The following GPC4 variants were observed in gnomAD, a reference collection of about 807,000 sequenced individuals.
GPC4 encodes glypican 4.
GPC4 carries 10 observed loss-of-function variants against 35.0 expected under a neutral mutation model. The observed-to-expected ratio is 0.29, with a 90% confidence interval of 0.18 to 0.48. GPC4 has a LOEUF of 0.48. GPC4 is among the 20% of genes least tolerant of loss of function. The pLI is 0.99. For synonymous variants in GPC4, 167 were observed against 170.2 expected (o/e 0.98, Z 0.15); for missense variants, 322 against 451.3 (o/e 0.71, Z 2.60).
chrX:133,414,364 A>T, intron 1 of GPC4: 3 of 216,234 alleles, frequency 1.4e-5, no homozygotes, highest in Non-Finnish European at 2.0e-5. Flanking sequence ...CCCACTGGCG[A>T]CCCCCACCCC....
intron 1 of GPC4, among the ~76,000 whole-genome samples, chrX:133,365,347 C>G (rs2068585286): frequency 9.0e-6 from 1 of 111,692 alleles, no homozygotes. Context: ...AGTCACTCAA[C>G]CAACATTTAT....
At chrX:133,337,324 C>A (rs1265824411) in intron 2 of GPC4, among the ~76,000 whole-genome samples, 1 of 111,970 alleles carries the variant, frequency 8.9e-6, no homozygotes, top group African/African-American at 3.2e-5. Flanking sequence ...AAGAAAACAA[C>A]AACAACAACA....
chrX:133,312,580 G>T (rs1428632639), intron 3 of GPC4, among the ~76,000 whole-genome samples: 1 of 105,605 alleles, frequency 9.5e-6, no homozygotes, highest in African/African-American at 3.5e-5. Context: ...AGCGAGCCGA[G>T]ATCTCACCAC....
chrX:133,400,815 C>T (rs989404935), intron 1 of GPC4, among the ~76,000 whole-genome samples: 1 of 107,238 alleles, frequency 9.3e-6, no homozygotes, highest in African/African-American at 3.4e-5. Context: ...ATAAAAGAGG[C>T]AAAGCCCCTG....
intron 1 of GPC4, among the ~76,000 whole-genome samples, chrX:133,356,979 ACT>A (rs1268352874): frequency 3.9e-4 from 43 of 111,245 alleles, no homozygotes; most frequent in African/African-American, 1.4e-3. Context: ...TTTTGACTGG[ACT>A]CTCTGTTCTG....
At chrX:133,381,248 G>C (rs765000386) in intron 1 of GPC4, among the ~76,000 whole-genome samples, 1 of 112,245 alleles carries the variant, frequency 8.9e-6, no homozygotes, top group Non-Finnish European at 1.9e-5. Flanking sequence ...AAGGATATTA[G>C]TTACAGTCTA....
chrX:133,311,438 G>GA lies in GPC4; in HGVS notation c.712-16dup, dbSNP rs1199165165. 4.1e-6 allele frequency: 5 copies of GA among 1,204,835 alleles called. No homozygotes were observed. Among genetic ancestry groups the GA allele is most frequent in the Non-Finnish European group, 5.6e-6 (5 of 890,756 alleles). The stretch of plus-strand genomic sequence containing the variant: ...GTGGGGTTTACCTAATGTGTGAAAA[G>GA]AAAAAAAGACAGTAGTGGCGGGGCT... On this transcript the variant is annotated splice_polypyrimidine_tract_variant and intron_variant, in intron 3 of 8. Transcript: ENST00000370828.
rs747076224 is a variant in GPC4 at position 133,411,079 on chromosome X, C to T, written c.160+3727G>A. 1.3e-4 allele frequency among the ~76,000 whole-genome samples: 15 copies of T among 112,555 alleles called. No individual in the cohort carries two copies. The South Asian group carries it at 5.1e-3, about 39-fold the overall frequency. On this transcript the variant is annotated intron_variant, in intron 1 of 8. Coordinates refer to ENST00000370828, the MANE Select transcript of GPC4 (RefSeq NM_001448.3). ...ACTATTAGAAAGTATTGCTACCTCT[C>T]CAACACACATACACACGTACTTTTT...
At chrX:133,306,295 T>C in intron 4 of GPC4, 141 bp from the exon 5 acceptor site, 1 of 644,890 alleles carries the variant, frequency 1.6e-6, no homozygotes, top group Non-Finnish European at 2.4e-6. Context: ...TAATGAATTC[T>C]TGTTTTTATG....
chrX:133,395,641 A>T (rs900381901), intron 1 of GPC4, among the ~76,000 whole-genome samples: 1 of 111,148 alleles, frequency 9.0e-6, no homozygotes, highest in Non-Finnish European at 1.9e-5. Flanking sequence ...AAAAAATGAA[A>T]TTTTTTTTAA....
intron 2 of GPC4, among the ~76,000 whole-genome samples, chrX:133,331,523 G>A (rs1346378206): frequency 9.0e-6 from 1 of 111,702 alleles, no homozygotes. Context: ...TGTCATCCCA[G>A]CACTTTGAGA....
intron 3 of GPC4, among the ~76,000 whole-genome samples, chrX:133,323,780 CTGTG>C (rs1226026558): frequency 8.9e-6 from 1 of 111,877 alleles, no homozygotes; most frequent in Non-Finnish European, 1.9e-5. Context: ...AATGTGGAGC[CTGTG>C]TGTGTATGTT....
At chrX:133,357,751 T>G (rs977739486) in intron 1 of GPC4, among the ~76,000 whole-genome samples, 18 of 111,184 alleles carry the variant, frequency 1.6e-4, no homozygotes, top group African/African-American at 5.9e-4. Context: ...TAGTTCATCT[T>G]CTGTAAAAGG....
At chrX:133,393,704 G>A (rs184604583) in intron 1 of GPC4, among the ~76,000 whole-genome samples, 1 of 110,974 alleles carries the variant, frequency 9.0e-6, no homozygotes, top group East Asian at 2.8e-4. Context: ...TTGAACTTAA[G>A]GAAGTTATTC....
chrX:133,311,813 T>A (rs1196754262), intron 3 of GPC4, among the ~76,000 whole-genome samples: 2 of 111,752 alleles, frequency 1.8e-5, no homozygotes, highest in East Asian at 2.8e-4. Context: ...GTGCCCACCA[T>A]GCACGTCCTG....
In GPC4 at chrX:133,303,321, C is replaced by T; in HGVS notation, c.1313G>A (p.Gly438Glu). Reference protein sequence around the residue: ...GKSRYLFAVTGNGLANQGNNP... With the variant: ...GKSRYLFAVTENGLANQGNNP... ...GTTGCCCTGGTTGGCTAATCCATTT[C>T]CTGTCACTGCAAACAGGTACCTGGA... is the stretch of plus-strand genomic sequence containing the variant. Residue 438 changes from glycine (G) to glutamate (E), a missense_variant, in exon 8 of 9, where the codon GGA becomes GAA. Gly to Glu is a moderately conservative substitution (Grantham distance 98, BLOSUM62 -2). Coordinates refer to ENST00000370828, the MANE Select transcript of GPC4 (RefSeq NM_001448.3). 1 of 1,209,207 alleles carries T rather than the reference C, an allele frequency of 8.3e-7. No individual in the cohort carries two copies. Among genetic ancestry groups the T allele is most frequent in the Non-Finnish European group, 1.1e-6 (1 of 894,303 alleles).
At chrX:133,311,561 C>T in intron 3 of GPC4, 138 bp from the exon 4 acceptor site, 1 of 584,842 alleles carries the variant, frequency 1.7e-6, no homozygotes, top group Non-Finnish European at 2.9e-6. Context: ...TAAGCCTGGA[C>T]TGCCTCCTGA....
At chrX:133,406,502 C>A (rs1409287201) in intron 1 of GPC4, among the ~76,000 whole-genome samples, 1 of 110,716 alleles carries the variant, frequency 9.0e-6, no homozygotes, top group Non-Finnish European at 1.9e-5. Flanking sequence ...GTAATCCCAG[C>A]ACTTTGGGAG....
intron 3 of GPC4, among the ~76,000 whole-genome samples, chrX:133,322,579 T>G (rs1205428016): frequency 9.3e-6 from 1 of 107,720 alleles, no homozygotes; most frequent in Non-Finnish European, 1.9e-5. Context: ...AAGTGACACC[T>G]GTTGTCTGTG....
Sources: gnomAD v4.1 joint callset for allele counts (sites outside exome capture counted in the v4.1 genomes callset) on GRCh38, gnomAD v4.1.1 for gene constraint, MANE v1.5 for transcripts, NCBI Gene and HGNC (gene_info 2026-07-23, HGNC 2026-07-21) for gene names.